The following PCBP3 variants were observed in gnomAD, a reference collection of about 807,000 sequenced individuals.
PCBP3 encodes the protein poly(rC) binding protein 3.
Under a neutral mutation model 52.7 loss-of-function variants are expected in PCBP3, and 25 were observed. The observed-to-expected ratio is 0.47, with a 90% CI of 0.35 to 0.66. PCBP3 has a LOEUF of 0.66. PCBP3 is among the 30% of genes least tolerant of loss of function. The pLI is 0.01. For missense variants in PCBP3, 391 were observed against 490.3 expected (o/e 0.80, Z 1.91); for synonymous variants, 162 against 183.0 (o/e 0.89, Z 0.93).
chr21:45,729,767 G>A (rs1205936683), intron 2 of PCBP3, among the ~76,000 whole-genome samples: 1 of 151,636 alleles, frequency 6.6e-6, no homozygotes, highest in Non-Finnish European at 1.5e-5. Flanking sequence ...CCAACTTTCG[G>A]TTTTATTAAT....
At chr21:45,927,394 A>G (rs1228718881) in intron 13 of PCBP3, among the ~76,000 whole-genome samples, 1 of 3,846 alleles carries the variant, frequency 2.6e-4, no homozygotes, top group African/African-American at 9.0e-4. Context: ...CTTTCCTCTC[A>G]GTGGTTTGGA....
chr21:45,794,892 G>A (rs1312582963), intron 4 of PCBP3, among the ~76,000 whole-genome samples: 1 of 150,844 alleles, frequency 6.6e-6, no homozygotes, highest in South Asian at 2.1e-4. Flanking sequence ...TTGCGCCACT[G>A]CACTCCAGCC....
chr21:45,882,026 A>G (rs1017001210), intron 5 of PCBP3, among the ~76,000 whole-genome samples: 1 of 152,122 alleles, frequency 6.6e-6, no homozygotes, highest in African/African-American at 2.4e-5. Context: ...TCTCCTCACT[A>G]TAGTGACTTT....
At chr21:45,779,885 A>G (rs983110029) in intron 4 of PCBP3, among the ~76,000 whole-genome samples, 2 of 152,226 alleles carry the variant, frequency 1.3e-5, no homozygotes, top group Non-Finnish European at 2.9e-5. Context: ...ATAGGCTGCA[A>G]TAGTCAATGC....
chr21:45,925,861 A>G (rs1021160730), intron 13 of PCBP3, among the ~76,000 whole-genome samples: 1 of 152,252 alleles, frequency 6.6e-6, no homozygotes, highest in Admixed American at 6.5e-5. Context: ...ACATTATAGC[A>G]AAAACTTGGC....
In PCBP3 at chr21:45,830,050, A is replaced by T. The variant is rs2093409058; in HGVS notation, c.-125-19911A>T. Reference sequence around the variant, plus strand: ...AGGGTAGTGGCCTCCCTGGGCCTCCAAGAGCCATGTTTCCCTAGGCAAGTA... The same window carrying T: ...AGGGTAGTGGCCTCCCTGGGCCTCCTAGAGCCATGTTTCCCTAGGCAAGTA... On this transcript the variant is annotated intron_variant, in intron 4 of 17. Coordinates refer to ENST00000681687, the MANE Select transcript of PCBP3 (RefSeq NM_001384156.1). This position sits in a 1 kb window ranked among gnomAD's most constrained non-coding sequence, Gnocchi z 4.4. 6.5e-6 allele frequency: 1 copy of T among 152,820 alleles called. No homozygotes were observed. Among genetic ancestry groups the T allele is most frequent in the East Asian group, 1.9e-4 (1 of 5,182 alleles). 9.5% of individuals were successfully genotyped at this position (152,820 alleles called of 1,614,324 possible). A position where few individuals can be genotyped will look rare whatever the true frequency, so the allele number is the denominator to read the frequency against.
At chr21:45,831,064 C>T (rs1047697774) in intron 4 of PCBP3, 27 of 152,762 alleles carry the variant, frequency 1.8e-4, no homozygotes, top group African/African-American at 6.3e-4. Flanking sequence ...GTCCTGCCCT[C>T]CTGCTGGCTT....
At chr21:45,696,172 G>A (rs757457527) in intron 2 of PCBP3, among the ~76,000 whole-genome samples, 6 of 150,154 alleles carry the variant, frequency 4.0e-5, no homozygotes, top group South Asian at 2.1e-4. Context: ...CTTGGACTCC[G>A]TCTCACACCA....
intron 9 of PCBP3, among the ~76,000 whole-genome samples, chr21:45,906,788 A>G (rs1441289609): frequency 1.3e-5 from 2 of 152,154 alleles, no homozygotes; most frequent in African/African-American, 4.8e-5. Context: ...TCTGCCTACT[A>G]AATTTTCAGG....
chr21:45,862,900 G>A (rs1166911911), intron 5 of PCBP3, among the ~76,000 whole-genome samples: 4 of 152,202 alleles, frequency 2.6e-5, no homozygotes, highest in Non-Finnish European at 5.9e-5. Flanking sequence ...CAGAACAGAG[G>A]GTGACTTTCT....
At chr21:45,694,183 A>G (rs1274614637) in intron 2 of PCBP3, among the ~76,000 whole-genome samples, 1 of 152,172 alleles carries the variant, frequency 6.6e-6, no homozygotes, top group South Asian at 2.1e-4. Flanking sequence ...CCCAAAAAAC[A>G]ACAAAAACAA....
At chr21:45,669,825 A>ATG (rs2081058155) in intron 2 of PCBP3, among the ~76,000 whole-genome samples, 3 of 128,106 alleles carry the variant, frequency 2.3e-5, no homozygotes, top group Admixed American at 1.6e-4. Context: ...ATATATATAT[A>ATG]TATATATATA....
At position 45,858,525 on chromosome 21, in the gene PCBP3, G is replaced by A. The variant is rs1426538541; in HGVS notation, c.10+8430G>A. 3.4e-4 allele frequency: 52 copies of A among 152,316 alleles called. 1 individual carries two copies. Among genetic ancestry groups the A allele is most frequent in the Admixed American group, 3.4e-3 (52 of 15,286 alleles). 9.4% of individuals were successfully genotyped at this position (152,316 alleles called of 1,614,324 possible). ...CCCAGAGGGCATTTCCGTGTGGGCA[G>A]CTGGTGAGGGAGGCCCCTGGGGAGC... On this transcript the variant is annotated intron_variant, in intron 5 of 17. Coordinates refer to ENST00000681687, the MANE Select transcript of PCBP3 (RefSeq NM_001384156.1).
At position 45,741,707 on chromosome 21, in the gene PCBP3, T is replaced by G. The variant is rs2086466121; in HGVS notation, c.-162+6278T>G. ...TAAAGGTTATATGGCAAATATTATTTTATAAAAAATTGATGAACCTCAGGC... is the reference window on the plus strand; with the variant it reads ...TAAAGGTTATATGGCAAATATTATTGTATAAAAAATTGATGAACCTCAGGC... On this transcript the variant is annotated intron_variant, in intron 3 of 17. Transcript: ENST00000681687. The surrounding 1 kb of genome is among the most constrained non-coding windows in gnomAD (Gnocchi z 4.5). Among the ~76,000 whole-genome samples, 3 of 152,186 alleles carry G rather than the reference T, an allele frequency of 2.0e-5. No homozygotes were observed. Among genetic ancestry groups the G allele is most frequent in the African/African-American group, 7.2e-5 (3 of 41,438 alleles).
At position 45,656,321 on chromosome 21, in the gene PCBP3, G is replaced by A. The variant is rs2080015038; in HGVS notation, c.-279+12453G>A. On this transcript the variant is annotated intron_variant, in intron 1 of 17. Coordinates refer to ENST00000681687, the MANE Select transcript of PCBP3 (RefSeq NM_001384156.1). The surrounding 1 kb of genome is among the most constrained non-coding windows in gnomAD (Gnocchi z 4.3). The stretch of plus-strand genomic sequence containing the variant: ...TGGAATACTATGCAGCCATAAAAAA[G>A]GATGAGTTCATATCCTTTGCAGGGA... Among the ~76,000 whole-genome samples the A allele has an allele frequency of 6.6e-6, 1 of 152,130 alleles. No homozygotes were observed. Among genetic ancestry groups the A allele is most frequent in the Non-Finnish European group, 1.5e-5 (1 of 68,024 alleles).
intron 1 of PCBP3, among the ~76,000 whole-genome samples, chr21:45,648,478 A>G (rs1367361294): frequency 6.6e-6 from 1 of 152,166 alleles, no homozygotes; most frequent in Non-Finnish European, 1.5e-5. Flanking sequence ...CACAGCCTAT[A>G]CCACTCCCAA....
intron 12 of PCBP3, chr21:45,914,686 G>A (rs1211050623): frequency 6.6e-6 from 1 of 152,494 alleles, no homozygotes; most frequent in African/African-American, 2.4e-5. Context: ...CCCTGCCCCA[G>A]CCCCTCACCT....
intron 5 of PCBP3, chr21:45,872,485 T>C (rs2095069637): frequency 6.6e-6 from 1 of 152,308 alleles, no homozygotes. Flanking sequence ...CTTTTGTGTT[T>C]TGGTAAATTG....
At chr21:45,940,238 AG>A (rs1569514022) in intron 17 of PCBP3, 39 bp downstream of exon 17, 1 of 1,572,022 alleles carries the variant, frequency 6.4e-7, no homozygotes, top group South Asian at 1.1e-5. Context: ...ACGCCCGGAA[AG>A]GGACGCGCCA....
Sources: gnomAD v4.1 joint callset for allele counts (sites outside exome capture counted in the v4.1 genomes callset) on GRCh38, gnomAD v4.1.1 for gene constraint, Gnocchi (gnomAD v3.1) non-coding constraint, MANE v1.5 for transcripts, NCBI Gene and HGNC (gene_info 2026-07-23, HGNC 2026-07-21) for gene names.